IPO11: variants seen among roughly 807,000 people sequenced by gnomAD.
The protein encoded by IPO11 is importin-11.
Under a neutral mutation model 143.2 loss-of-function variants are expected in IPO11, and 66 were observed. The ratio of observed to expected loss-of-function variants is 0.46; its 90% CI spans 0.38 to 0.57. The LOEUF (loss-of-function observed/expected upper bound fraction) is 0.57, where lower values mean the gene tolerates loss of function less well. IPO11 is among the 20% of genes least tolerant of loss of function. IPO11 has a pLI of 0.00. For missense variants in IPO11, 1,026 were observed against 1,141.0 expected (o/e 0.90, Z 1.45); for synonymous variants, 385 against 377.8 (o/e 1.02, Z -0.22).
chr5:62,621,839 C>T (rs1030481850), intron 29 of IPO11, among the ~76,000 whole-genome samples: 2 of 151,724 alleles, frequency 1.3e-5, no homozygotes, highest in Non-Finnish European at 2.9e-5. Flanking sequence ...AATCAAGAAG[C>T]GCACTAAACT....
At position 62,598,374 on chromosome 5, in the gene IPO11, TG is replaced by T. The variant is rs2112440105; in HGVS notation, c.2679-3389del. Among the ~76,000 whole-genome samples, 2 of 15,760 alleles carry T rather than the reference TG, an allele frequency of 1.3e-4. 1 individual carries two copies. The highest frequency in any genetic ancestry group is 2.0e-4 in the Non-Finnish European group (2 of 9,946). The allele number at this position is 15,760 out of a possible 152,430, so 10.3% of individuals were successfully genotyped here. A position where few individuals can be genotyped will look rare whatever the true frequency, so the allele number is the denominator to read the frequency against. ...GTCTTATGTGAAACGACCCATAAAT[TG>T]TTTGCTTGCTTGCTTGCTTTCTTTC... On this transcript the variant is annotated intron_variant, in intron 28 of 29. Coordinates refer to ENST00000325324, the MANE Select transcript of IPO11 (RefSeq NM_016338.5).
intron 2 of IPO11, among the ~76,000 whole-genome samples, chr5:62,442,297 A>C (rs1359390174): frequency 6.6e-6 from 1 of 152,186 alleles, no homozygotes; most frequent in Non-Finnish European, 1.5e-5. Context: ...TGGAAGTTAT[A>C]TATTTTATTG....
intron 1 of IPO11, among the ~76,000 whole-genome samples, chr5:62,419,559 CG>C (rs1399910957): frequency 2.6e-5 from 4 of 152,064 alleles, no homozygotes; most frequent in African/African-American, 9.7e-5. Flanking sequence ...GGAAGGTCTT[CG>C]GGGGCAATAA....
intron 5 of IPO11, among the ~76,000 whole-genome samples, chr5:62,466,821 G>C (rs1254709572): frequency 6.6e-6 from 1 of 152,116 alleles, no homozygotes; most frequent in East Asian, 1.9e-4. Context: ...TATTAGTGGA[G>C]ATAAAAAGAA....
At chr5:62,516,702 T>C (rs1742032861) in intron 20 of IPO11, among the ~76,000 whole-genome samples, 2 of 152,216 alleles carry the variant, frequency 1.3e-5, no homozygotes, top group African/African-American at 4.8e-5. Flanking sequence ...TGCTTTCTTT[T>C]TTTTACTGTG....
intron 6 of IPO11, 90 bp downstream of exon 6, chr5:62,467,353 G>T: frequency 7.5e-7 from 1 of 1,333,816 alleles, no homozygotes; most frequent in Non-Finnish European, 1.0e-6. Context: ...TCTGTTCCCA[G>T]TTTCACTGGA....
chr5:62,550,049 GTTAT>G (rs1479844975), intron 24 of IPO11, among the ~76,000 whole-genome samples: 3 of 152,046 alleles, frequency 2.0e-5, no homozygotes, highest in Non-Finnish European at 2.9e-5. Flanking sequence ...ATTTTTAAGG[GTTAT>G]TTGTTTACAT....
chr5:62,430,220 T>C (rs1268928795), intron 1 of IPO11, among the ~76,000 whole-genome samples: 1 of 152,250 alleles, frequency 6.6e-6, no homozygotes, highest in East Asian at 1.9e-4. Flanking sequence ...CTATGTTATA[T>C]GTTATTCTGT....
intron 16 of IPO11, among the ~76,000 whole-genome samples, chr5:62,504,250 T>G (rs1214945685): frequency 1.3e-5 from 2 of 152,152 alleles, no homozygotes; most frequent in African/African-American, 4.8e-5. Context: ...AATTTGCTTG[T>G]GTTCTTTCTC....
intron 14 of IPO11, among the ~76,000 whole-genome samples, chr5:62,489,592 G>A (rs1387257871): frequency 1.3e-5 from 2 of 152,202 alleles, no homozygotes; most frequent in African/African-American, 2.4e-5. Flanking sequence ...GATTCCCAAA[G>A]AAGTGTAATG....
intron 20 of IPO11, among the ~76,000 whole-genome samples, chr5:62,520,548 G>A (rs1397938985): frequency 6.6e-6 from 1 of 152,054 alleles, no homozygotes; most frequent in African/African-American, 2.4e-5. Context: ...GACAGGTCCT[G>A]GTGTGTGATG....
chr5:62,435,100 GTATATATATGTATATA>G (rs1561308761), intron 1 of IPO11, among the ~76,000 whole-genome samples: 2 of 62,190 alleles, frequency 3.2e-5, no homozygotes, highest in Non-Finnish European at 6.6e-5. Flanking sequence ...ATGTATATAT[GTATATATATGTATATA>G]TGTATATATG....
At chr5:62,565,443 G>A (rs985872649) in intron 27 of IPO11, among the ~76,000 whole-genome samples, 1 of 152,084 alleles carries the variant, frequency 6.6e-6, no homozygotes, top group Non-Finnish European at 1.5e-5. Context: ...CCAGTATTGC[G>A]CCACTGCACT....
intron 1 of IPO11, among the ~76,000 whole-genome samples, chr5:62,432,454 G>A (rs1212541592): frequency 2.0e-5 from 3 of 152,192 alleles, no homozygotes; most frequent in Admixed American, 1.3e-4. Flanking sequence ...TGGGAGTTAG[G>A]GTGAGAGAGA....
At position 62,552,309 on chromosome 5, in the gene IPO11, C is replaced by T. The variant is rs114257124; in HGVS notation, c.2460+973C>T. The stretch of plus-strand genomic sequence containing the variant: ...AAAACAAATATAACTATTTCTAATA[C>T]AAGGAAATCCAGAATAAGGAAGTAC... On this transcript the variant is annotated intron_variant, in intron 26 of 29. Coordinates refer to ENST00000325324, the MANE Select transcript of IPO11 (RefSeq NM_016338.5). Among the ~76,000 whole-genome samples, 671 of 151,976 alleles carry T rather than the reference C, an allele frequency of 4.4e-3. 7 individuals are homozygous for T. The highest frequency in any genetic ancestry group is 0.016 in the African/African-American group (647 of 41,478).
At chr5:62,450,315 A>G (rs247237) in intron 4 of IPO11, among the ~76,000 whole-genome samples, 59,412 of 151,976 alleles carry the variant, frequency 0.39, 12,973 homozygotes, top group South Asian at 0.51. Context: ...TTTGGACAAC[A>G]GTGGACTGCA....
chr5:62,596,633 G>C (rs963800472), intron 28 of IPO11, among the ~76,000 whole-genome samples: 3 of 152,100 alleles, frequency 2.0e-5, no homozygotes, highest in Non-Finnish European at 2.9e-5. Context: ...CCCACTGAAC[G>C]GCTCTTCAGA....
intron 27 of IPO11, among the ~76,000 whole-genome samples, chr5:62,575,541 T>G (rs1744286183): frequency 6.6e-6 from 1 of 152,164 alleles, no homozygotes; most frequent in African/African-American, 2.4e-5. Flanking sequence ...TCTTTCCAAT[T>G]GCCTCTCTGT....
At chr5:62,416,182 C>CTTTTTTTTTTTTTTTTTTTTTT (rs869236693) in intron 1 of IPO11, among the ~76,000 whole-genome samples, 1 of 123,508 alleles carries the variant, frequency 8.1e-6, no homozygotes, top group Non-Finnish European at 1.7e-5. Flanking sequence ...TTTTTCTTTT[C>CTTTTTTTTTTTTTTTTTTTTTT]TTTTTTTTTT....
Sources: gnomAD v4.1 joint callset for allele counts (sites outside exome capture counted in the v4.1 genomes callset) on GRCh38, gnomAD v4.1.1 for gene constraint, MANE v1.5 for transcripts, NCBI Gene and HGNC (gene_info 2026-07-23, HGNC 2026-07-21) for gene names.